The following EXTL3 variants were observed in gnomAD, a reference collection of about 807,000 sequenced individuals.
The protein encoded by EXTL3 is exostosin like glycosyltransferase 3.
A neutral mutation model predicts 69.3 loss-of-function variants in EXTL3; 27 were observed. That is an observed-to-expected ratio of 0.39 (90% CI 0.29 to 0.54). The LOEUF (loss-of-function observed/expected upper bound fraction) is 0.54, where lower values mean the gene tolerates loss of function less well. EXTL3 is among the 20% of genes least tolerant of loss of function. EXTL3 has a pLI of 0.69. For synonymous variants in EXTL3, 511 were observed against 499.4 expected (o/e 1.02, Z -0.31); for missense variants, 1,003 against 1,231.8 (o/e 0.81, Z 2.78).
At chr8:28,691,957 A>T (rs965652439) in intron 1 of EXTL3, among the ~76,000 whole-genome samples, 9 of 152,162 alleles carry the variant, frequency 5.9e-5, no homozygotes, top group African/African-American at 1.9e-4. Context: ...TAAATAGAGC[A>T]TTATTGAAGC....
chr8:28,752,362 T>C lies in EXTL3; in HGVS notation c.*1496T>C, dbSNP rs1210653129. 1 of 152,646 alleles carries C rather than the reference T, an allele frequency of 6.6e-6. No individual in the cohort carries two copies. Among genetic ancestry groups the C allele is most frequent in the Admixed American group, 6.5e-5 (1 of 15,276 alleles). The allele number at this position is 152,646 out of a possible 1,614,324, so 9.5% of individuals were successfully genotyped here. A position where few individuals can be genotyped will look rare whatever the true frequency, so the allele number is the denominator to read the frequency against. ...GGAAGTGGAGTTGACTCTGGAAGTT[T>C]TCTAGCAACTGAACAAAAGCTCAGG... On this transcript the variant is annotated 3_prime_UTR_variant, in exon 7 of 7. Coordinates refer to ENST00000220562, the MANE Select transcript of EXTL3 (RefSeq NM_001440.4).
upstream of EXTL3, chr8:28,699,329 G>A (rs1334408266): frequency 6.6e-6 from 1 of 152,482 alleles, no homozygotes; most frequent in East Asian, 1.9e-4. Context: ...GAGAGTGTGA[G>A]AAGGAAAAAA....
intron 1 of EXTL3, among the ~76,000 whole-genome samples, chr8:28,625,997 CAAAAAAAAAAAAAAAAA>C (rs67403576): frequency 4.9e-5 from 2 of 41,102 alleles, no homozygotes; most frequent in Non-Finnish European, 7.7e-5. Context: ...CACATTTCTC[CAAAAAAAAAAAAAAAAA>C]AAAAAAAAAA....
chr8:28,633,562 A>T (rs1287027584), intron 1 of EXTL3, among the ~76,000 whole-genome samples: 4 of 152,000 alleles, frequency 2.6e-5, no homozygotes, highest in African/African-American at 9.7e-5. Context: ...TGAACCCAGG[A>T]GGCGGAGGTT....
At position 28,692,306 on chromosome 8, in the gene EXTL3, T is replaced by C. The variant is rs147712050; in HGVS notation, c.-52-21151T>C. On this transcript the variant is annotated intron_variant, in intron 1 of 6. Transcript: ENST00000523149. The stretch of plus-strand genomic sequence containing the variant: ...GTTCCACTTTTGATCTATGGCATAG[T>C]GTTTGCAAGGCTGAAGGCTTGGGTT... Among the ~76,000 whole-genome samples the C allele has an allele frequency of 7.0e-3, 1,065 of 152,296 alleles. 9 individuals are homozygous for C. The highest frequency in any genetic ancestry group is 0.024 in the African/African-American group (999 of 41,536).
chr8:28,719,389 TTGTCTTGCCTATGCTC>T (rs1801245051), intron 3 of EXTL3, among the ~76,000 whole-genome samples: 4 of 152,352 alleles, frequency 2.6e-5, no homozygotes, highest in Admixed American at 2.6e-4. Context: ...GCCAGTATGT[TTGTCTTGCCTATGCTC>T]TGGGCAGCTT....
chr8:28,711,511 G>A (rs189656562), intron 1 of EXTL3, among the ~76,000 whole-genome samples: 16 of 151,950 alleles, frequency 1.1e-4, no homozygotes, highest in Admixed American at 7.2e-4. Flanking sequence ...TAACCCTGGC[G>A]GTAGGTAGAG....
chr8:28,693,492 A>C (rs561131294), intron 1 of EXTL3, among the ~76,000 whole-genome samples: 1 of 152,148 alleles, frequency 6.6e-6, no homozygotes, highest in South Asian at 2.1e-4. Flanking sequence ...TCTAATGTGA[A>C]ACTTGAATGT....
intron 1 of EXTL3, among the ~76,000 whole-genome samples, chr8:28,629,730 C>T (rs1220096344): frequency 6.6e-6 from 1 of 152,042 alleles, no homozygotes; most frequent in Non-Finnish European, 1.5e-5. Flanking sequence ...TCTAGGGGCT[C>T]TAAGATGCAG....
chr8:28,717,778 G>T lies in EXTL3; in HGVS notation c.1719G>T (p.Leu573=). ...TDPNMADNGD[L]DLGPVETEPP... Reference sequence around the variant, plus strand: ...CCAACATGGCTGACAACGGGGACCTGGACCTGGGGCCAGTGGAGACGGAGC... The same window carrying T: ...CCAACATGGCTGACAACGGGGACCTTGACCTGGGGCCAGTGGAGACGGAGC... Residue 573 remains leucine (L), a synonymous_variant, in exon 3 of 7, where the codon CTG becomes CTT. Transcript: ENST00000220562. The surrounding 1 kb of genome is among the most constrained non-coding windows in gnomAD (Gnocchi z 8.3). 1 of 1,613,828 alleles carries T rather than the reference G, an allele frequency of 6.2e-7. No individual in the cohort carries two copies. Among genetic ancestry groups the T allele is most frequent in the South Asian group, 1.1e-5 (1 of 91,080 alleles).
chr8:28,671,300 T>A (rs1807286597), intron 1 of EXTL3, among the ~76,000 whole-genome samples: 1 of 144,280 alleles, frequency 6.9e-6, no homozygotes, highest in African/African-American at 2.7e-5. Flanking sequence ...TTTTTATGTT[T>A]TGTTTTTTGT....
intron 1 of EXTL3, among the ~76,000 whole-genome samples, chr8:28,711,084 A>G (rs1362254603): frequency 2.6e-5 from 4 of 152,210 alleles, no homozygotes; most frequent in East Asian, 1.9e-4. Context: ...ATTATTCCCT[A>G]TTGGATGAGT....
chr8:28,713,236 C>T (rs181008870), intron 1 of EXTL3, among the ~76,000 whole-genome samples: 46 of 152,280 alleles, frequency 3.0e-4, no homozygotes, highest in African/African-American at 1.1e-3. Context: ...CCAGAGTCCC[C>T]GTGTATACCT....
At chr8:28,650,449 C>T (rs1236332681) in intron 1 of EXTL3, among the ~76,000 whole-genome samples, 1 of 151,838 alleles carries the variant, frequency 6.6e-6, no homozygotes, top group Admixed American at 6.6e-5. Context: ...CCTCTGCCTC[C>T]TGGGTTCAAG....
At chr8:28,628,850 C>T (rs1472964246) in intron 1 of EXTL3, among the ~76,000 whole-genome samples, 1 of 152,058 alleles carries the variant, frequency 6.6e-6, no homozygotes, top group Non-Finnish European at 1.5e-5. Flanking sequence ...GATGGGGTTT[C>T]ACAGTGTTGG....
Position 28,717,854 on chromosome 8 carries a change from G to C in EXTL3, c.1795G>C (p.Asp599His). ...YLRNFTLTVT[D>H]FYRSWNCAPG... The stretch of plus-strand genomic sequence containing the variant: ...CCGCAATTTCACTCTGACTGTCACT[G>C]ACTTTTACCGCAGCTGGAACTGTGC... The change falls in exon 3 of 7, where the codon GAC (aspartate) becomes CAC (histidine). Residue 599 changes from aspartate to histidine, a missense_variant. This residue lies in a region of EXTL3 where 742 missense variants were observed against 815.4 expected (regional missense o/e 0.91). Transcript: ENST00000220562. The surrounding 1 kb of genome is among the most constrained non-coding windows in gnomAD (Gnocchi z 8.3). The C allele has an allele frequency of 6.2e-7, 1 of 1,612,750 alleles. No homozygotes were observed. The highest frequency in any genetic ancestry group is 1.1e-5 in the South Asian group (1 of 91,062).
chr8:28,753,766 G>C lies in EXTL3; in HGVS notation c.*2900G>C, dbSNP rs1453927497. 1.3e-5 allele frequency: 2 copies of C among 152,630 alleles called. No individual in the cohort carries two copies. The allele number at this position is 152,630 out of a possible 1,614,324, so 9.5% of individuals were successfully genotyped here. A position where few individuals can be genotyped will look rare whatever the true frequency, so the allele number is the denominator to read the frequency against. ...AGAGAAGGCACCTGCTTGATTGCTT[G>C]ATTCCAGGTCGCCACCTGTGTATGC... On this transcript the variant is annotated 3_prime_UTR_variant, in exon 7 of 7. Transcript: ENST00000220562.
At chr8:28,756,358 A>C (rs924879561), downstream of EXTL3, among the ~76,000 whole-genome samples, 37 of 151,618 alleles carry the variant, frequency 2.4e-4, no homozygotes, top group African/African-American at 8.7e-4. Flanking sequence ...TATAATTTCT[A>C]CTCTTGTGTG....
At chr8:28,731,507 G>T (rs527659657) in intron 4 of EXTL3, among the ~76,000 whole-genome samples, 157 bp downstream of exon 4, 2 of 152,178 alleles carry the variant, frequency 1.3e-5, no homozygotes, top group African/African-American at 4.8e-5. Context: ...CGTAGATGGC[G>T]TTGGAGGAGT....
Sources: allele counts gnomAD v4.1 joint callset (sites outside exome capture counted in the v4.1 genomes callset), GRCh38; gene constraint gnomAD v4.1.1; regional missense constraint gnomAD v4.1.1; non-coding constraint Gnocchi (gnomAD v3.1); transcripts MANE v1.5; gene names NCBI Gene and HGNC (gene_info 2026-07-23, HGNC 2026-07-21).